MTUS2: variants seen among roughly 807,000 people sequenced by gnomAD.
MTUS2 encodes the protein microtubule-associated tumor suppressor candidate 2.
A neutral mutation model predicts 114.1 loss-of-function variants in MTUS2; 40 were observed. The ratio of observed to expected loss-of-function variants is 0.35; its 90% CI spans 0.27 to 0.46. The LOEUF is 0.46. Ranked by LOEUF, MTUS2 falls within the 20% of genes least tolerant of loss-of-function variation. The pLI, the probability that MTUS2 is intolerant of heterozygous loss-of-function variation, is 1.00. For synonymous variants in MTUS2, 688 were observed against 672.0 expected, an observed-to-expected ratio of 1.02 and a Z score of -0.37; for missense variants, 1,679 against 1,705.4, an observed-to-expected ratio of 0.98 and a Z score of 0.27.
rs369685615 is a variant in MTUS2 at position 29,227,662 on chromosome 13, ATC to A, written c.2645-54036_2645-54035del. Among the ~76,000 whole-genome samples the A allele has an allele frequency of 3.7e-3, 567 of 152,352 alleles. 4 individuals carry two copies. Among genetic ancestry groups the A allele is most frequent in the African/African-American group, 0.013 (535 of 41,588 alleles). On this transcript the variant is annotated intron_variant, in intron 5 of 15. Transcript: ENST00000612955. ...AGATGAAATTATAGGCAGGAATGCTATCTCTCTAACCTCTGAGAGGGAAGTTA... is the reference window on the plus strand; with the variant it reads ...AGATGAAATTATAGGCAGGAATGCTATCTCTAACCTCTGAGAGGGAAGTTA...
At chr13:29,435,532 A>G (rs1407397933) in intron 8 of MTUS2, among the ~76,000 whole-genome samples, 1 of 152,120 alleles carries the variant, frequency 6.6e-6, no homozygotes, top group Non-Finnish European at 1.5e-5. Context: ...GTTCAACAGA[A>G]CCTAAGGGCC....
At chr13:29,137,557 TTTC>T (rs1892033651) in intron 5 of MTUS2, among the ~76,000 whole-genome samples, 1 of 152,028 alleles carries the variant, frequency 6.6e-6, no homozygotes, top group South Asian at 2.1e-4. Context: ...TTCTTTCTTC[TTTC>T]TTCTTTGTTC....
intron 7 of MTUS2, among the ~76,000 whole-genome samples, chr13:29,333,879 G>A (rs2138073202): frequency 6.6e-6 from 1 of 152,216 alleles, no homozygotes; most frequent in Non-Finnish European, 1.5e-5. Context: ...TCCTGTATTG[G>A]GAGCATATGT....
At chr13:29,401,321 A>T (rs998924998) in intron 8 of MTUS2, among the ~76,000 whole-genome samples, 1 of 152,154 alleles carries the variant, frequency 6.6e-6, no homozygotes, top group African/African-American at 2.4e-5. Context: ...TTTTCTTTAT[A>T]GATTTTTTAC....
intron 5 of MTUS2, chr13:29,250,594 G>T (rs532649931): frequency 6.6e-6 from 1 of 151,172 alleles, no homozygotes; most frequent in South Asian, 2.1e-4. Flanking sequence ...GTATCACACC[G>T]TAAAAGTAGA....
intron 5 of MTUS2, among the ~76,000 whole-genome samples, chr13:29,186,881 G>C (rs1057342874): frequency 7.9e-5 from 12 of 152,136 alleles, no homozygotes; most frequent in African/African-American, 2.9e-4. Context: ...TATAAAGTCA[G>C]CCTCAATGAG....
intron 5 of MTUS2, among the ~76,000 whole-genome samples, chr13:29,202,877 G>A (rs1027604882): frequency 2.0e-5 from 3 of 152,186 alleles, no homozygotes; most frequent in Non-Finnish European, 4.4e-5. Context: ...CCTTCCTCTG[G>A]AAGGTTTGTC....
chr13:29,428,410 C>T (rs1041868871), intron 8 of MTUS2, among the ~76,000 whole-genome samples: 1 of 152,266 alleles, frequency 6.6e-6, no homozygotes, highest in East Asian at 1.9e-4. Context: ...CGTGTCTGCG[C>T]GGTGCGGAGG....
intron 9 of MTUS2, among the ~76,000 whole-genome samples, chr13:29,471,033 A>G (rs3011613): frequency 0.35 from 52,608 of 151,944 alleles, 11,461 homozygotes; most frequent in African/African-American, 0.63. Context: ...CTTATCTAAA[A>G]TTTTTACTAT....
At chr13:29,482,006 G>A (rs139402824) in intron 10 of MTUS2, 130 of 152,216 alleles carry the variant, frequency 8.5e-4, no homozygotes, top group African/African-American at 2.8e-3. Context: ...TTTTACGGCC[G>A]CTTTATACAT....
At position 29,048,053 on chromosome 13, in the gene MTUS2, A is replaced by C. The variant is rs115546298; in HGVS notation, c.2446+13928A>C. Among the ~76,000 whole-genome samples the C allele has an allele frequency of 4.2e-3, 644 of 152,304 alleles. 7 individuals are homozygous for C. The highest frequency in any genetic ancestry group is 0.024 in the Middle Eastern group (7 of 294). ...AAAACAATTTGTTTATCCATACATT[A>C]GTTGGTGGACATTTTGGTTGTTTCA... is the stretch of plus-strand genomic sequence containing the variant. On this transcript the variant is annotated intron_variant, in intron 4 of 15. Coordinates refer to ENST00000612955, the MANE Select transcript of MTUS2 (RefSeq NM_001033602.4).
At chr13:29,437,548 G>A (rs1197975633) in intron 8 of MTUS2, among the ~76,000 whole-genome samples, 1 of 152,176 alleles carries the variant, frequency 6.6e-6, no homozygotes, top group Admixed American at 6.5e-5. Context: ...TGTAATCCCT[G>A]TGATCGGTCT....
At chr13:28,873,712 T>C (rs988721288) in intron 2 of MTUS2, among the ~76,000 whole-genome samples, 2 of 152,200 alleles carry the variant, frequency 1.3e-5, no homozygotes, top group African/African-American at 4.8e-5. Context: ...GTTGAACTCC[T>C]AGAATCACAT....
At chr13:29,342,471 T>G (rs1317311856) in intron 7 of MTUS2, among the ~76,000 whole-genome samples, 1 of 152,046 alleles carries the variant, frequency 6.6e-6, no homozygotes, top group Non-Finnish European at 1.5e-5. Context: ...GTTGCTGTTG[T>G]TGTATAGCAG....
intron 6 of MTUS2, 117 bp downstream of exon 6, chr13:29,281,982 A>T (rs754820625): frequency 1.7e-6 from 2 of 1,176,870 alleles, no homozygotes; most frequent in Non-Finnish European, 2.3e-6. Context: ...TGATTAAATG[A>T]TAGTTAGTAA....
chr13:29,399,292 T>C (rs1566179969), intron 8 of MTUS2, among the ~76,000 whole-genome samples: 1 of 152,312 alleles, frequency 6.6e-6, no homozygotes, highest in East Asian at 1.9e-4. Context: ...GGTTCTTTAC[T>C]GCAACCTGTT....
intron 2 of MTUS2, among the ~76,000 whole-genome samples, chr13:28,971,300 G>A (rs1883845556): frequency 6.6e-6 from 1 of 152,120 alleles, no homozygotes; most frequent in African/African-American, 2.4e-5. Flanking sequence ...ATGGTTGGGG[G>A]CCACTGAAAC....
At chr13:29,085,758 A>G (rs986931789) in intron 4 of MTUS2, among the ~76,000 whole-genome samples, 3 of 152,196 alleles carry the variant, frequency 2.0e-5, no homozygotes, top group Non-Finnish European at 2.9e-5. Context: ...ATAGGCATGC[A>G]TGTATCTTTT....
Position 28,908,146 on chromosome 13 carries a change from G to GT in MTUS2, c.-243+68303dup, listed in dbSNP as rs973476622. On this transcript the variant is annotated intron_variant, in intron 2 of 15. Transcript: ENST00000612955. ...ATTTTCAGCAACTATTTCTTTCTTT[G>GT]TTTTTTTATTATACTTTAAGTTTTA... Among the ~76,000 whole-genome samples the GT allele has an allele frequency of 3.3e-5, 5 of 151,086 alleles. 1 individual carries two copies. Among genetic ancestry groups the GT allele is most frequent in the African/African-American group, 7.3e-5 (3 of 40,928 alleles).
Sources: gnomAD v4.1 joint callset for allele counts (sites outside exome capture counted in the v4.1 genomes callset) on GRCh38, gnomAD v4.1.1 for gene constraint, MANE v1.5 for transcripts, NCBI Gene and HGNC (gene_info 2026-07-23, HGNC 2026-07-21) for gene names.